The following GTSF1 variants were observed in gnomAD, a reference collection of about 807,000 sequenced individuals.
GTSF1 encodes gametocyte specific factor 1.
GTSF1 carries 11 observed loss-of-function variants against 28.9 expected under a neutral mutation model. That is an observed-to-expected ratio of 0.38 (90% CI 0.24 to 0.63). The LOEUF is 0.63. GTSF1 is among the 30% of genes least tolerant of loss of function. GTSF1 has a pLI of 0.56. For synonymous variants in GTSF1, 69 were observed against 65.6 expected (o/e 1.05, Z -0.25); for missense variants, 146 against 201.0 (o/e 0.73, Z 1.66).
intron 7 of GTSF1, 80 bp downstream of exon 7, chr12:54,460,297 T>C: frequency 9.5e-7 from 1 of 1,050,028 alleles, no homozygotes; most frequent in Non-Finnish European, 1.5e-6. Flanking sequence ...GTGTTCAGAC[T>C]GAACACATCT....
At chr12:54,464,668 A>T (rs777665777) in intron 3 of GTSF1, 1 of 152,936 alleles carries the variant, frequency 6.5e-6, no homozygotes, top group Non-Finnish European at 1.5e-5. Context: ...GCTAACTTCT[A>T]GCTGTTCAAG....
chr12:54,462,599 G>C (rs200835579), intron 5 of GTSF1, 43 bp downstream of exon 5: 64 of 1,477,172 alleles, frequency 4.3e-5, no homozygotes, highest in Admixed American at 8.8e-5. Flanking sequence ...CAAATGACTT[G>C]AGATTTAGAC....
In GTSF1 at chr12:54,459,076, C is replaced by T. The variant is rs1956378404; in HGVS notation, c.*20+13G>A. ...CATCTGAAGAGACAGTGAAATAAAA[C>T]TGAAACACTTACTTGATGAGATAGG... On this transcript the variant is annotated intron_variant, in intron 8 of 8. Transcript: ENST00000305879. The T allele has an allele frequency of 6.3e-7, 1 of 1,582,076 alleles. No individual in the cohort carries two copies. The highest frequency in any genetic ancestry group is 1.3e-5 in the African/African-American group (1 of 74,146).
chr12:54,465,252 A>G, intron 2 of GTSF1, 85 bp from the exon 3 acceptor site: 3 of 846,318 alleles, frequency 3.5e-6, no homozygotes, highest in Non-Finnish European at 6.0e-6. Context: ...GATTTTTTCA[A>G]GAGACTCTGT....
At chr12:54,460,494 A>G in intron 6 of GTSF1, 23 bp from the exon 7 acceptor site, 3 of 1,524,972 alleles carry the variant, frequency 2.0e-6, no homozygotes, top group Non-Finnish European at 2.7e-6. Flanking sequence ...GAATTTGGCT[A>G]TGTCGGCAGA....
At chr12:54,470,813 T>C (rs1323313513) in intron 2 of GTSF1, among the ~76,000 whole-genome samples, 2 of 152,248 alleles carry the variant, frequency 1.3e-5, no homozygotes, top group African/African-American at 4.8e-5. Flanking sequence ...TTCTAGGTGC[T>C]GGCTCTGCTT....
intron 2 of GTSF1, 61 bp downstream of exon 2, chr12:54,471,172 A>G (rs776756169): frequency 1.5e-5 from 20 of 1,322,024 alleles, no homozygotes; most frequent in Non-Finnish European, 2.1e-5. Context: ...AAGTCTTGTC[A>G]GATATAAAAC....
At chr12:54,464,269 G>T (rs981578823) in intron 3 of GTSF1, among the ~76,000 whole-genome samples, 1 of 152,170 alleles carries the variant, frequency 6.6e-6, no homozygotes, top group African/African-American at 2.4e-5. Context: ...GGACAATGTT[G>T]TAGTGGTATC....
intron 4 of GTSF1, 98 bp downstream of exon 4, chr12:54,463,073 A>C (rs1207846168): frequency 7.8e-6 from 10 of 1,276,806 alleles, no homozygotes; most frequent in Non-Finnish European, 4.4e-6. Context: ...TGTTCTTCTA[A>C]AACACTGAAA....
At chr12:54,458,332 G>C (rs998802391) in intron 8 of GTSF1, among the ~76,000 whole-genome samples, 1 of 152,110 alleles carries the variant, frequency 6.6e-6, no homozygotes, top group Admixed American at 6.5e-5. Flanking sequence ...AGATAAGATC[G>C]ACAGTGTAAA....
At chr12:54,462,083 T>G in intron 6 of GTSF1, 26 bp downstream of exon 6, 1 of 1,582,024 alleles carries the variant, frequency 6.3e-7, no homozygotes, top group Non-Finnish European at 8.7e-7. Flanking sequence ...TGGGAGACAA[T>G]GCTGGGATAA....
intron 8 of GTSF1, among the ~76,000 whole-genome samples, chr12:54,457,093 A>G (rs947039121): frequency 2.6e-5 from 4 of 152,174 alleles, no homozygotes; most frequent in Non-Finnish European, 5.9e-5. Flanking sequence ...CTCAAAAACA[A>G]AAAACAAACA....
intron 1 of GTSF1, chr12:54,472,759 T>C (rs1486971272): frequency 6.6e-6 from 1 of 152,206 alleles, no homozygotes; most frequent in Admixed American, 6.5e-5. Context: ...GCTAGAACTC[T>C]AGTTTTTTTG....
At chr12:54,465,373 G>A (rs1399098726) in intron 2 of GTSF1, among the ~76,000 whole-genome samples, 1 of 152,006 alleles carries the variant, frequency 6.6e-6, no homozygotes, top group Non-Finnish European at 1.5e-5. Context: ...AAATCTCAGG[G>A]TGAAGTCTCA....
chr12:54,465,800 A>G (rs1195157857), intron 2 of GTSF1, among the ~76,000 whole-genome samples: 1 of 152,184 alleles, frequency 6.6e-6, no homozygotes, highest in African/African-American at 2.4e-5. Flanking sequence ...AGCTTGAAAA[A>G]TATTAGTGGA....
At chr12:54,468,895 G>A (rs1956557579) in intron 2 of GTSF1, 1 of 152,006 alleles carries the variant, frequency 6.6e-6, no homozygotes, top group Non-Finnish European at 1.5e-5. Flanking sequence ...TGGGATGAGC[G>A]CTGAGATTGT....
chr12:54,470,632 G>C (rs1026730807), intron 2 of GTSF1, among the ~76,000 whole-genome samples: 1 of 152,190 alleles, frequency 6.6e-6, no homozygotes, highest in African/African-American at 2.4e-5. Context: ...TCAGAGCCTA[G>C]AACAGAGCCT....
chr12:54,462,063 A>G, intron 6 of GTSF1, 46 bp downstream of exon 6: 1 of 1,423,838 alleles, frequency 7.0e-7, no homozygotes, highest in Non-Finnish European at 9.9e-7. Flanking sequence ...GTAACAGAAC[A>G]CGCTGATTTT....
intron 1 of GTSF1, chr12:54,472,699 T>C (rs1956607281): frequency 6.6e-6 from 1 of 152,000 alleles, no homozygotes; most frequent in Non-Finnish European, 1.5e-5. Flanking sequence ...CTCCCCCCAT[T>C]CTGTGACATA....
Sources: allele counts gnomAD v4.1 joint callset (sites outside exome capture counted in the v4.1 genomes callset), GRCh38; gene constraint gnomAD v4.1.1; transcripts MANE v1.5; gene names NCBI Gene and HGNC (gene_info 2026-07-23, HGNC 2026-07-21).